PEX5L: variants seen among roughly 807,000 people sequenced by gnomAD.
The protein encoded by PEX5L is peroxisomal biogenesis factor 5 like, also known as PEX5-related protein.
PEX5L carries 30 observed loss-of-function variants against 84.0 expected under a neutral mutation model. That is an observed-to-expected ratio of 0.36 (90% CI 0.27 to 0.48). PEX5L has a LOEUF of 0.48. Among genes scored for constraint, PEX5L ranks in the 20% least tolerant of loss-of-function variants. The pLI is 0.99. For synonymous variants in PEX5L, 270 were observed against 283.1 expected (o/e 0.95, Z 0.46); for missense variants, 533 against 754.6 (o/e 0.71, Z 3.44).
At chr3:179,898,294 T>C in intron 2 of PEX5L, 48 bp from the exon 3 acceptor site, 1 of 1,240,480 alleles carries the variant, frequency 8.1e-7, no homozygotes, top group Non-Finnish European at 1.2e-6. Flanking sequence ...GATCTTTAAC[T>C]TATTATTTAT....
chr3:179,820,210 G>A, intron 8 of PEX5L: 1 of 539,784 alleles, frequency 1.9e-6, no homozygotes, highest in Non-Finnish European at 3.3e-6. Flanking sequence ...AGAAAGACCA[G>A]GACCACATAT....
chr3:179,903,505 C>T (rs1762126265), intron 2 of PEX5L, among the ~76,000 whole-genome samples: 1 of 152,154 alleles, frequency 6.6e-6, no homozygotes, highest in Non-Finnish European at 1.5e-5. Context: ...TCTGGGATTA[C>T]AGGTGTGAGT....
chr3:179,860,169 A>C (rs763844413), intron 7 of PEX5L, among the ~76,000 whole-genome samples: 7 of 152,002 alleles, frequency 4.6e-5, no homozygotes, highest in Non-Finnish European at 1.5e-5. Flanking sequence ...GGGATCCATG[A>C]GGATAAGAAT....
chr3:179,941,244 C>T (rs1173157016), intron 2 of PEX5L, among the ~76,000 whole-genome samples: 3 of 152,212 alleles, frequency 2.0e-5, no homozygotes, highest in Non-Finnish European at 4.4e-5. Context: ...TAAACATGTA[C>T]AGTTCAGCGG....
chr3:180,035,757 G>A (rs147165881), intron 1 of PEX5L, among the ~76,000 whole-genome samples: 2 of 152,278 alleles, frequency 1.3e-5, no homozygotes, highest in East Asian at 1.9e-4. Flanking sequence ...CAAACCTGAT[G>A]ACTAAACCAT....
intron 1 of PEX5L, among the ~76,000 whole-genome samples, chr3:179,992,879 T>C (rs1043178440): frequency 6.7e-6 from 1 of 149,066 alleles, no homozygotes; most frequent in African/African-American, 2.5e-5. Context: ...TGTATGTATG[T>C]ATGTGTCTAT....
chr3:179,804,284 A>T (rs1456216931), intron 14 of PEX5L: 1 of 152,138 alleles, frequency 6.6e-6, no homozygotes, highest in African/African-American at 2.4e-5. Flanking sequence ...AATAGTTTTC[A>T]AATGTTTCAC....
At chr3:179,889,795 G>T (rs1395686173) in intron 3 of PEX5L, among the ~76,000 whole-genome samples, 1 of 152,052 alleles carries the variant, frequency 6.6e-6, no homozygotes, top group Non-Finnish European at 1.5e-5. Context: ...GGGACTATGA[G>T]CTGCCTATGT....
chr3:179,847,079 GTGTATATATA>G (rs1401099132), intron 8 of PEX5L, among the ~76,000 whole-genome samples: 36 of 106,520 alleles, frequency 3.4e-4, no homozygotes, highest in Admixed American at 7.4e-4. Context: ...GTGTGTGTGT[GTGTATATATA>G]TATATATATA....
intron 10 of PEX5L, among the ~76,000 whole-genome samples, chr3:179,814,407 G>A (rs1331148470): frequency 6.6e-6 from 1 of 152,142 alleles, no homozygotes; most frequent in Non-Finnish European, 1.5e-5. Context: ...GAAACTTAGA[G>A]GGTTTAACTG....
chr3:179,984,507 C>T (rs902375553), intron 1 of PEX5L, among the ~76,000 whole-genome samples: 2 of 152,062 alleles, frequency 1.3e-5, no homozygotes, highest in African/African-American at 4.8e-5. Context: ...ATATAAGCCA[C>T]ATAAACAAAA....
At chr3:179,951,155 A>G (rs1778983877) in intron 2 of PEX5L, among the ~76,000 whole-genome samples, 1 of 152,214 alleles carries the variant, frequency 6.6e-6, no homozygotes, top group African/African-American at 2.4e-5. Context: ...TTGTGACTTT[A>G]TAAGACTGAA....
At chr3:179,858,684 G>C (rs1324777890) in intron 8 of PEX5L, among the ~76,000 whole-genome samples, 1 of 152,158 alleles carries the variant, frequency 6.6e-6, no homozygotes, top group Non-Finnish European at 1.5e-5. Flanking sequence ...CTAGATGCTA[G>C]AGAGATAAAA....
chr3:179,960,933 A>G (rs948140817), intron 2 of PEX5L, among the ~76,000 whole-genome samples: 1 of 152,216 alleles, frequency 6.6e-6, no homozygotes, highest in African/African-American at 2.4e-5. Flanking sequence ...GAAGAAAACA[A>G]CTTCTATGCT....
chr3:179,817,927 T>C (rs1362748926), intron 9 of PEX5L, among the ~76,000 whole-genome samples: 1 of 152,322 alleles, frequency 6.6e-6, no homozygotes, highest in East Asian at 1.9e-4. Flanking sequence ...TCTGAATCAA[T>C]GTCCTGTGTT....
At chr3:179,984,713 T>C (rs1158545422) in intron 1 of PEX5L, among the ~76,000 whole-genome samples, 2 of 152,190 alleles carry the variant, frequency 1.3e-5, no homozygotes, top group African/African-American at 4.8e-5. Context: ...TCATGGAAAA[T>C]TCCATAATAG....
chr3:179,855,655 T>C (rs1396634790), intron 8 of PEX5L, among the ~76,000 whole-genome samples: 1 of 152,130 alleles, frequency 6.6e-6, no homozygotes. Flanking sequence ...AAAGGTGATA[T>C]ATTAAGAGGT....
chr3:180,018,937 C>T (rs565274001), intron 1 of PEX5L, among the ~76,000 whole-genome samples: 15 of 152,252 alleles, frequency 9.9e-5, no homozygotes, highest in Non-Finnish European at 1.9e-4. Flanking sequence ...GTTTTCGGGC[C>T]ACTCTATTAA....
chr3:179,850,935 T>C (rs899962854), intron 8 of PEX5L, among the ~76,000 whole-genome samples: 1 of 152,242 alleles, frequency 6.6e-6, no homozygotes, highest in Non-Finnish European at 1.5e-5. Flanking sequence ...TATATAATCC[T>C]ATATTAATAA....
Sources: allele counts gnomAD v4.1 joint callset (sites outside exome capture counted in the v4.1 genomes callset), GRCh38; gene constraint gnomAD v4.1.1; transcripts MANE v1.5; gene names NCBI Gene and HGNC (gene_info 2026-07-23, HGNC 2026-07-21).